ZNF254: variants seen among roughly 807,000 people sequenced by gnomAD.
The protein encoded by ZNF254 is zinc finger protein 254.
In ZNF254, 10 loss-of-function variants were observed where a neutral mutation model predicts 12.4. That is an observed-to-expected ratio of 0.80 (90% CI 0.50 to 1.36). The LOEUF (loss-of-function observed/expected upper bound fraction) is 1.36. Ranked by LOEUF, ZNF254 falls within the 40% of genes most tolerant of loss-of-function variation. ZNF254 has a pLI of 0.00. For synonymous variants in ZNF254, 305 were observed against 253.4 expected (o/e 1.20, Z -1.93); for missense variants, 996 against 763.9 (o/e 1.30, Z -3.58).
At chr19:24,117,709 C>G (rs941099142) in intron 3 of ZNF254, among the ~76,000 whole-genome samples, 1 of 151,964 alleles carries the variant, frequency 6.6e-6, no homozygotes, top group Non-Finnish European at 1.5e-5. Context: ...CACTGTCCTG[C>G]GCCCACTGTC....
intron 3 of ZNF254, among the ~76,000 whole-genome samples, chr19:24,116,335 A>G (rs573707003): frequency 3.2e-4 from 48 of 152,214 alleles, no homozygotes; most frequent in Middle Eastern, 3.4e-3. Flanking sequence ...AGGTACACCA[A>G]TCAGATGTGG....
rs759404107 is a variant in ZNF254 at position 24,129,799 on chromosome 19, C to T, written c.*1819C>T. 1.7e-4 allele frequency: 26 copies of T among 151,764 alleles called. No homozygotes were observed. The highest frequency in any genetic ancestry group is 3.2e-4 in the Non-Finnish European group (22 of 67,894). The allele number at this position is 151,764 out of a possible 1,614,324, so 9.4% of individuals were successfully genotyped here. A position where few individuals can be genotyped will look rare whatever the true frequency, so the allele number is the denominator to read the frequency against. On this transcript the variant is annotated 3_prime_UTR_variant, in exon 4 of 4. Coordinates refer to ENST00000357002, the MANE Select transcript of ZNF254 (RefSeq NM_203282.4). ...GTCATAATAAAAAATTTTATACAAA[C>T]GTGTAAAATCTATACATTTCTGAGT...
intron 3 of ZNF254, chr19:24,107,172 G>A (rs1006817306): frequency 8.1e-6 from 5 of 618,614 alleles, no homozygotes; most frequent in Non-Finnish European, 1.4e-5. Context: ...CCTCAAGATT[G>A]CTTTGACTAT....
intron 2 of ZNF254, among the ~76,000 whole-genome samples, chr19:24,048,334 G>T (rs192054958): frequency 6.6e-6 from 1 of 152,184 alleles, no homozygotes; most frequent in East Asian, 1.9e-4. Context: ...GGCCGCAAGC[G>T]CCACACATGG....
chr19:24,041,530 C>T (rs780585302), intron 1 of ZNF254, among the ~76,000 whole-genome samples: 10 of 152,252 alleles, frequency 6.6e-5, no homozygotes, highest in African/African-American at 1.4e-4. Context: ...GATTTCTCGC[C>T]GGGCCTTAGC....
intron 2 of ZNF254, among the ~76,000 whole-genome samples, chr19:24,072,263 C>T (rs1258002634): frequency 6.6e-6 from 1 of 151,924 alleles, no homozygotes; most frequent in East Asian, 2.0e-4. Flanking sequence ...CAGCCACCTC[C>T]TGGGTTCAAG....
chr19:24,082,428 C>T (rs967821369), upstream of ZNF254, among the ~76,000 whole-genome samples: 2 of 125,416 alleles, frequency 1.6e-5, no homozygotes, highest in African/African-American at 3.1e-5. Context: ...GGGCGGATCA[C>T]GAGGTCAGGA....
intron 1 of ZNF254, among the ~76,000 whole-genome samples, chr19:24,034,221 C>G (rs1359555805): frequency 6.6e-6 from 1 of 151,996 alleles, no homozygotes; most frequent in Non-Finnish European, 1.5e-5. Context: ...AAATAGAAGC[C>G]TGAACTCAGT....
At chr19:24,109,636 A>G (rs979413963) in intron 3 of ZNF254, among the ~76,000 whole-genome samples, 2 of 152,032 alleles carry the variant, frequency 1.3e-5, no homozygotes, top group Admixed American at 1.3e-4. Context: ...GTCTACAAAT[A>G]TGACCCAAAT....
chr19:24,033,720 C>A, intron 1 of ZNF254: 1 of 263,448 alleles, frequency 3.8e-6, no homozygotes, highest in East Asian at 1.3e-4. Context: ...CCTGAGGTCC[C>A]TGCTGGCGCA....
At chr19:24,121,896 A>G (rs1183426110) in intron 3 of ZNF254, among the ~76,000 whole-genome samples, 2 of 151,710 alleles carry the variant, frequency 1.3e-5, no homozygotes, top group Non-Finnish European at 2.9e-5. Context: ...TATTTGTTGT[A>G]TAGGTTTGTT....
At chr19:24,063,483 C>T (rs1379225632) in intron 2 of ZNF254, among the ~76,000 whole-genome samples, 3 of 152,212 alleles carry the variant, frequency 2.0e-5, no homozygotes, top group Non-Finnish European at 4.4e-5. Flanking sequence ...TGTATTGTGA[C>T]ATATTGCTGG....
intron 2 of ZNF254, among the ~76,000 whole-genome samples, chr19:24,049,212 A>ATTTTTTTT (rs1179977299): frequency 9.2e-4 from 39 of 42,194 alleles, no homozygotes; most frequent in Middle Eastern, 0.019. Context: ...ATATATATAT[A>ATTTTTTTT]TATTTTTTTT....
Position 24,127,224 on chromosome 19 carries a change from TGAA to T in ZNF254, c.1228_1230del (p.Glu410del), listed in dbSNP as rs776339722. The T allele has an allele frequency of 5.0e-6, 8 of 1,613,156 alleles. No individual in the cohort carries two copies. The Admixed American group carries it at 1.3e-4, about 27-fold the overall frequency. On this transcript the variant is annotated inframe_deletion, in exon 4 of 4. Transcript: ENST00000357002. ...ATGTTGGAGAGAAACTCTACAAATG[TGAA>T]GAATGCGGCAAAGGTTTTAATCGAT... is the stretch of plus-strand genomic sequence containing the variant.
intron 2 of ZNF254, among the ~76,000 whole-genome samples, chr19:24,051,777 C>T (rs898530869): frequency 1.3e-5 from 2 of 152,034 alleles, no homozygotes; most frequent in African/African-American, 4.8e-5. Flanking sequence ...TGGGAACTGC[C>T]AAAACAAGTA....
rs112176406 is a variant in ZNF254, at chr19:24,105,766, G to C, written c.31-174G>C. The C allele has an allele frequency of 5.3e-3, 5,710 of 1,077,396 alleles. 22 individuals are homozygous for C. Among genetic ancestry groups the C allele is most frequent in the Middle Eastern group, 0.018 (61 of 3,476 alleles). The allele number at this position is 1,077,396 out of a possible 1,614,324, so 66.7% of individuals were successfully genotyped here. ...GATATTTTGCCACTCTATTTTCTCA[G>C]AGTTAGAGAATACATTAGAAAATGT... On this transcript the variant is annotated intron_variant, in intron 1 of 3. Transcript: ENST00000357002.
intron 1 of ZNF254, among the ~76,000 whole-genome samples, chr19:24,044,960 A>C (rs1165954269): frequency 6.6e-6 from 1 of 152,250 alleles, no homozygotes; most frequent in Non-Finnish European, 1.5e-5. Flanking sequence ...GTTGTCTCTG[A>C]GTCGGAATAA....
chr19:24,083,980 A>G (rs986266543), upstream of ZNF254, among the ~76,000 whole-genome samples: 3 of 151,952 alleles, frequency 2.0e-5, no homozygotes, highest in East Asian at 3.9e-4. Flanking sequence ...CAATTCCACT[A>G]CTGGGTATCT....
At chr19:24,058,245 C>A (rs1970936136) in intron 2 of ZNF254, among the ~76,000 whole-genome samples, 2 of 152,026 alleles carry the variant, frequency 1.3e-5, no homozygotes, top group African/African-American at 4.8e-5. Flanking sequence ...GTTTTCTCTC[C>A]TGTTTGGATT....
Sources: gnomAD v4.1 joint callset for allele counts (sites outside exome capture counted in the v4.1 genomes callset) on GRCh38, gnomAD v4.1.1 for gene constraint, MANE v1.5 for transcripts, NCBI Gene and HGNC (gene_info 2026-07-23, HGNC 2026-07-21) for gene names.